Variants in REDIC1 observed in about 807,000 individuals in gnomAD.
The protein encoded by REDIC1 is HEI10 Interacting Protein 1.
the REDIC1 span, among the ~76,000 whole-genome samples, chr12:39,700,029 C>T: frequency 8.2e-3 from 1,252 of 152,246 alleles, 16 homozygotes; most frequent in African/African-American, 0.028. Context: ...AAAAGCAGAG[C>T]GCCTCTCCTC....
At chr12:39,715,621 C>G in the REDIC1 span, among the ~76,000 whole-genome samples, 1 of 151,934 alleles carries the variant, frequency 6.6e-6, no homozygotes, top group South Asian at 2.1e-4. Context: ...ATAGCCAAAG[C>G]AAGACTAAGC....
the REDIC1 span, among the ~76,000 whole-genome samples, chr12:39,862,425 G>GTCAA: frequency 6.6e-6 from 1 of 152,174 alleles, no homozygotes; most frequent in Admixed American, 6.5e-5. Flanking sequence ...GACGTGCTGA[G>GTCAA]TCAATGGACA....
the REDIC1 span, among the ~76,000 whole-genome samples, chr12:39,708,026 G>T: frequency 6.6e-6 from 1 of 151,754 alleles, no homozygotes; most frequent in African/African-American, 2.4e-5. Flanking sequence ...TAGTTGTGGG[G>T]TTGGGAGGGT....
At chr12:39,874,726 T>C in the REDIC1 span, among the ~76,000 whole-genome samples, 3 of 152,116 alleles carry the variant, frequency 2.0e-5, no homozygotes, top group African/African-American at 7.2e-5. Context: ...GTTTGGACTT[T>C]GTATTGTAGG....
chr12:39,769,869 A>C, the REDIC1 span, among the ~76,000 whole-genome samples: 1 of 151,988 alleles, frequency 6.6e-6, no homozygotes, highest in African/African-American at 2.4e-5. Context: ...CCACCCTCCC[A>C]GATGCTGGCT....
the REDIC1 span, chr12:39,683,551 T>C: frequency 9.5e-5 from 122 of 1,288,612 alleles, no homozygotes; most frequent in Admixed American, 2.7e-4. Context: ...GAATGTTGAA[T>C]TGATGCAAAG....
chr12:39,766,868 A>G, the REDIC1 span, among the ~76,000 whole-genome samples: 1 of 152,098 alleles, frequency 6.6e-6, no homozygotes, highest in East Asian at 1.9e-4. Flanking sequence ...CTTCGCTTCT[A>G]CAATAGTTCT....
the REDIC1 span, among the ~76,000 whole-genome samples, chr12:39,868,866 T>C: frequency 6.6e-6 from 1 of 152,206 alleles, no homozygotes; most frequent in African/African-American, 2.4e-5. Flanking sequence ...TTGTACTTCT[T>C]TGTATAAAGA....
At chr12:39,639,093 T>C in the REDIC1 span, among the ~76,000 whole-genome samples, 1 of 152,056 alleles carries the variant, frequency 6.6e-6, no homozygotes, top group African/African-American at 2.4e-5. Context: ...GAAAAGTCAC[T>C]TTACTTTCTG....
At chr12:39,809,429 T>TAAA in the REDIC1 span, among the ~76,000 whole-genome samples, 1 of 152,334 alleles carries the variant, frequency 6.6e-6, no homozygotes, top group Middle Eastern at 3.4e-3. Context: ...TCATTTTTTA[T>TAAA]AGAACTGTTT....
At chr12:39,643,329 T>TG in the REDIC1 span, among the ~76,000 whole-genome samples, 539 of 151,206 alleles carry the variant, frequency 3.6e-3, 3 homozygotes, top group African/African-American at 0.011. Flanking sequence ...GGTTGCAGAT[T>TG]AATTTGCACA....
At chr12:39,848,289 G>T in the REDIC1 span, among the ~76,000 whole-genome samples, 34 of 152,030 alleles carry the variant, frequency 2.2e-4, no homozygotes, top group Non-Finnish European at 2.1e-4. Context: ...TCTGACAAAG[G>T]TCTAATATCC....
chr12:39,727,320 A>G, the REDIC1 span, among the ~76,000 whole-genome samples: 41 of 152,080 alleles, frequency 2.7e-4, no homozygotes, highest in African/African-American at 9.9e-4. Context: ...CTTGAGTTAA[A>G]TTTTATATAA....
At chr12:39,850,799 C>T in the REDIC1 span, among the ~76,000 whole-genome samples, 29 of 152,030 alleles carry the variant, frequency 1.9e-4, no homozygotes, top group South Asian at 1.0e-3. Context: ...TTATATCACA[C>T]GGAATTTTTG....
the REDIC1 span, among the ~76,000 whole-genome samples, chr12:39,902,543 C>T: frequency 1.3e-5 from 2 of 151,920 alleles, no homozygotes; most frequent in Non-Finnish European, 2.9e-5. Flanking sequence ...TTTTTAAGCA[C>T]TACCAGGTGT....
the REDIC1 span, among the ~76,000 whole-genome samples, chr12:39,735,898 G>C: frequency 1.3e-5 from 2 of 152,150 alleles, no homozygotes; most frequent in African/African-American, 4.8e-5. Context: ...TGGAAGATGG[G>C]GTGAACCCCA....
the REDIC1 span, among the ~76,000 whole-genome samples, chr12:39,718,016 T>C: frequency 1.5e-3 from 226 of 152,214 alleles, 1 homozygote; most frequent in African/African-American, 5.0e-3. Flanking sequence ...ATTTTCTTGA[T>C]TAGCTCTTGT....
chr12:39,903,794 C>T, the REDIC1 span, among the ~76,000 whole-genome samples: 2 of 151,962 alleles, frequency 1.3e-5, no homozygotes, highest in Non-Finnish European at 2.9e-5. Flanking sequence ...CAAATAATTC[C>T]CATTTAGCTT....
At chr12:39,653,527 CTTCTTCTTCTTT>C in the REDIC1 span, among the ~76,000 whole-genome samples, 132 of 54,620 alleles carry the variant, frequency 2.4e-3, 6 homozygotes, top group African/African-American at 7.1e-3. Flanking sequence ...TCTTCTTCTT[CTTCTTCTTCTTT>C]TTCTTCTTCT....
Sources: allele counts gnomAD v4.1 joint callset (sites outside exome capture counted in the v4.1 genomes callset), GRCh38; gene constraint gnomAD v4.1.1; transcripts MANE v1.5; gene names NCBI Gene and HGNC (gene_info 2026-07-23, HGNC 2026-07-21).